DLG2: variants seen among roughly 807,000 people sequenced by gnomAD.
DLG2 encodes the protein discs large MAGUK scaffold protein 2, also known as disks large homolog 2.
DLG2 carries 45 observed loss-of-function variants against 132.5 expected under a neutral mutation model. That is an observed-to-expected ratio of 0.34 (90% CI 0.27 to 0.44). The LOEUF is 0.44. DLG2 is among the 20% of genes least tolerant of loss of function. The probability of loss-of-function intolerance (pLI) is 1.00; values close to 1 mark genes in which losing one functional copy is unlikely to be tolerated. For missense variants in DLG2, 1,045 were observed against 1,196.9 expected (o/e 0.87, Z 1.87); for synonymous variants, 424 against 419.6 (o/e 1.01, Z -0.13).
intron 4 of DLG2, among the ~76,000 whole-genome samples, chr11:85,282,797 T>C: frequency 6.6e-6 from 1 of 152,034 alleles, no homozygotes; most frequent in Non-Finnish European, 1.5e-5. Flanking sequence ...GTATGTTCAT[T>C]GCAGCACTAT....
chr11:84,412,529 T>C lies in DLG2; in HGVS notation c.519+122041A>G, dbSNP rs182499908. On this transcript the variant is annotated intron_variant, in intron 7 of 27. Transcript: ENST00000376104. ...ACAAAGCAACCTAGGCTTGGTAAGG[T>C]TAAGAGATTTGCCCAAAGTAATACA... 2.1e-3 allele frequency among the ~76,000 whole-genome samples: 316 copies of C among 152,274 alleles called. 1 individual carries two copies. Among genetic ancestry groups the C allele is most frequent in the African/African-American group, 7.4e-3 (306 of 41,558 alleles).
chr11:84,443,991 C>G (rs1741427347), intron 7 of DLG2, among the ~76,000 whole-genome samples: 1 of 149,086 alleles, frequency 6.7e-6, no homozygotes, highest in African/African-American at 2.5e-5. Flanking sequence ...TTTTGCTTTT[C>G]ATCAATAAGT....
chr11:84,169,752 A>G (rs2095772407), intron 8 of DLG2, among the ~76,000 whole-genome samples: 1 of 152,110 alleles, frequency 6.6e-6, no homozygotes, highest in Non-Finnish European at 1.5e-5. Flanking sequence ...TCACGCCTGT[A>G]GTCCCAGCTA....
In DLG2 at chr11:84,011,863, A is replaced by C. The variant is rs185509105; in HGVS notation, c.920-31221T>G. 8.7e-4 allele frequency among the ~76,000 whole-genome samples: 133 copies of C among 152,248 alleles called. 1 individual carries two copies. The highest frequency in any genetic ancestry group is 1.5e-3 in the Non-Finnish European group (100 of 68,000). Reference sequence around the variant, plus strand: ...TTCTGGTCATCAAATAAAGAAATACATGTCCATAGCACATTTATTTTTTAA... The same window carrying C: ...TTCTGGTCATCAAATAAAGAAATACCTGTCCATAGCACATTTATTTTTTAA... On this transcript the variant is annotated intron_variant, in intron 11 of 27. Coordinates refer to ENST00000376104, the MANE Select transcript of DLG2 (RefSeq NM_001142699.3).
At chr11:85,383,579 C>T (rs531217946) in intron 3 of DLG2, among the ~76,000 whole-genome samples, 21 of 152,238 alleles carry the variant, frequency 1.4e-4, no homozygotes, top group Admixed American at 3.3e-4. Flanking sequence ...AATATTTAAA[C>T]GGAGTTTTGC....
chr11:83,540,115 C>T (rs747141018), intron 20 of DLG2, among the ~76,000 whole-genome samples: 2 of 152,184 alleles, frequency 1.3e-5, no homozygotes, highest in Non-Finnish European at 2.9e-5. Flanking sequence ...CCTTCCTCCA[C>T]CCCATTACTA....
Position 85,025,851 on chromosome 11 carries a change from AT to A in DLG2, c.357+85809del, listed in dbSNP as rs1019540007. Among the ~76,000 whole-genome samples the A allele has an allele frequency of 1.5e-4, 19 of 124,320 alleles. No homozygotes were observed. In the South Asian group the frequency reaches 3.8e-3, roughly 25 times the overall value. The allele number at this position is 124,320 out of a possible 152,430, so 81.6% of individuals were successfully genotyped here. On this transcript the variant is annotated intron_variant, in intron 6 of 27. Coordinates refer to ENST00000376104, the MANE Select transcript of DLG2 (RefSeq NM_001142699.3). The stretch of plus-strand genomic sequence containing the variant: ...AATATGTATTAGAACTCAGTATATG[AT>A]AAACATAACATTCTACTTTAGAGTG...
intron 7 of DLG2, among the ~76,000 whole-genome samples, chr11:84,474,020 C>G (rs1374538017): frequency 6.6e-6 from 1 of 151,992 alleles, no homozygotes; most frequent in African/African-American, 2.4e-5. Flanking sequence ...TGTCATCCTG[C>G]CACAATGAGC....
At chr11:85,338,616 C>G (rs1160960440) in intron 3 of DLG2, among the ~76,000 whole-genome samples, 1 of 151,912 alleles carries the variant, frequency 6.6e-6, no homozygotes, top group Non-Finnish European at 1.5e-5. Context: ...AAGATATACT[C>G]AGATAAGTAT....
intron 10 of DLG2, among the ~76,000 whole-genome samples, chr11:84,084,880 T>A (rs966057735): frequency 6.6e-6 from 1 of 152,170 alleles, no homozygotes; most frequent in African/African-American, 2.4e-5. Flanking sequence ...CTCCTAGTAA[T>A]TTTCTGTCCA....
chr11:84,087,008 G>A (rs1183363869), intron 10 of DLG2, among the ~76,000 whole-genome samples: 1 of 151,962 alleles, frequency 6.6e-6, no homozygotes, highest in African/African-American at 2.4e-5. Flanking sequence ...TCCTTTTTCA[G>A]CTAATAGTAT....
chr11:83,976,886 T>G (rs955857300), intron 12 of DLG2, among the ~76,000 whole-genome samples: 1 of 152,010 alleles, frequency 6.6e-6, no homozygotes, highest in Non-Finnish European at 1.5e-5. Context: ...AATGATTCTC[T>G]GTACTCTTAA....
At chr11:84,147,096 C>G (rs1268233214) in intron 9 of DLG2, among the ~76,000 whole-genome samples, 1 of 152,080 alleles carries the variant, frequency 6.6e-6, no homozygotes, top group African/African-American at 2.4e-5. Context: ...TGATTTCGCT[C>G]AGGTGCCAGC....
intron 14 of DLG2, among the ~76,000 whole-genome samples, chr11:83,949,739 C>G (rs770223345): frequency 6.6e-6 from 1 of 152,218 alleles, no homozygotes; most frequent in East Asian, 1.9e-4. Flanking sequence ...CTAATATCTT[C>G]GTGTTTCCCC....
intron 6 of DLG2, among the ~76,000 whole-genome samples, chr11:84,954,350 T>TAAA (rs11366441): frequency 8.8e-6 from 1 of 113,842 alleles, no homozygotes; most frequent in African/African-American, 3.3e-5. Context: ...TCTTAAAGGA[T>TAAA]AAAAAAAAAA....
At chr11:84,792,127 G>A (rs971050701) in intron 6 of DLG2, among the ~76,000 whole-genome samples, 1 of 152,010 alleles carries the variant, frequency 6.6e-6, no homozygotes, top group African/African-American at 2.4e-5. Context: ...AGTTTTTTGA[G>A]GGTTTTTATC....
chr11:84,162,602 G>GT (rs759915097), intron 9 of DLG2, among the ~76,000 whole-genome samples: 19 of 151,982 alleles, frequency 1.3e-4, no homozygotes, highest in Non-Finnish European at 2.5e-4. Context: ...GTCCGCTACT[G>GT]TAAGTACAAT....
chr11:83,836,105 G>A (rs192661736), intron 16 of DLG2, among the ~76,000 whole-genome samples: 1 of 152,298 alleles, frequency 6.6e-6, no homozygotes, highest in African/African-American at 2.4e-5. Context: ...GATGAAGACT[G>A]CTGATGTCCC....
chr11:85,503,399 G>A (rs988513975), intron 3 of DLG2, among the ~76,000 whole-genome samples: 2 of 151,930 alleles, frequency 1.3e-5, no homozygotes, highest in Non-Finnish European at 2.9e-5. Context: ...CATTGCAGTT[G>A]ACTTCTAACC....
Sources: allele counts gnomAD v4.1 joint callset (sites outside exome capture counted in the v4.1 genomes callset), GRCh38; gene constraint gnomAD v4.1.1; transcripts MANE v1.5; gene names NCBI Gene and HGNC (gene_info 2026-07-23, HGNC 2026-07-21).